The following ECHDC1 variants were observed in gnomAD, a reference collection of about 807,000 sequenced individuals.
The protein encoded by ECHDC1 is ethylmalonyl-CoA decarboxylase 1, also known as ethylmalonyl-CoA decarboxylase.
Under a neutral mutation model 29.7 loss-of-function variants are expected in ECHDC1, and 29 were observed. The observed-to-expected ratio is 0.98, with a 90% confidence interval of 0.73 to 1.33. ECHDC1 has a LOEUF of 1.33. ECHDC1 is among the 40% of genes most tolerant of loss of function. The pLI is 0.00. For missense variants in ECHDC1, 328 were observed against 350.0 expected (o/e 0.94, Z 0.50); for synonymous variants, 126 against 123.1 (o/e 1.02, Z -0.15).
intron 1 of ECHDC1, among the ~76,000 whole-genome samples, chr6:127,338,279 G>A (rs1387554669): frequency 2.6e-5 from 4 of 152,116 alleles, no homozygotes; most frequent in Admixed American, 1.3e-4. Flanking sequence ...AAAGTTTTCA[G>A]TTTTGTCAGA....
intron 3 of ECHDC1, 141 bp from the exon 4 acceptor site, chr6:127,316,643 T>G (rs1284267828): frequency 1.5e-6 from 1 of 663,510 alleles, no homozygotes. Context: ...AACTCTTTGA[T>G]GTTGTCTGAA....
At chr6:127,342,289 C>G in intron 1 of ECHDC1, 1 of 1,478,882 alleles carries the variant, frequency 6.8e-7, no homozygotes, top group Non-Finnish European at 9.1e-7. Flanking sequence ...TAAGACTAAA[C>G]AGGGGCTTAA....
intron 5 of ECHDC1, among the ~76,000 whole-genome samples, chr6:127,301,127 T>G (rs1344638991): frequency 6.6e-6 from 1 of 152,200 alleles, no homozygotes; most frequent in African/African-American, 2.4e-5. Flanking sequence ...TTTAAAAATG[T>G]TTTTTAAAAG....
intron 3 of ECHDC1, among the ~76,000 whole-genome samples, chr6:127,316,833 GA>G (rs935580873): frequency 1.3e-5 from 2 of 152,090 alleles, no homozygotes; most frequent in African/African-American, 2.4e-5. Flanking sequence ...TTATCCTTAA[GA>G]TGATAAACAT....
At position 127,323,037 on chromosome 6, in the gene ECHDC1, C is replaced by T. The variant is rs1428653176; in HGVS notation, c.363+3965G>A. ...AAGTGGAAAATTCCACACCTGATCT[C>T]ATGTACACAAACTTTGTTTTGCGTA... On this transcript the variant is annotated intron_variant, in intron 3 of 5. Coordinates refer to ENST00000454859, the MANE Select transcript of ECHDC1 (RefSeq NM_001002030.2). Among the ~76,000 whole-genome samples, 6 of 152,190 alleles carry T rather than the reference C, an allele frequency of 3.9e-5. No homozygotes were observed. The East Asian group carries it at 1.2e-3, about 29-fold the overall frequency.
At chr6:127,343,201 G>C (rs1368503299) in intron 1 of ECHDC1, 135 bp downstream of exon 1, 1 of 152,180 alleles carries the variant, frequency 6.6e-6, no homozygotes, top group Non-Finnish European at 1.5e-5. Context: ...GACAAGCCGC[G>C]GAGCCGGGGA....
At chr6:127,327,636 A>T (rs1411707170) in intron 2 of ECHDC1, among the ~76,000 whole-genome samples, 3 of 152,180 alleles carry the variant, frequency 2.0e-5, no homozygotes, top group Non-Finnish European at 4.4e-5. Context: ...CAGAATTAGT[A>T]TAATAGGATG....
intron 5 of ECHDC1, among the ~76,000 whole-genome samples, chr6:127,299,758 C>A (rs1200759697): frequency 6.6e-6 from 1 of 152,148 alleles, no homozygotes; most frequent in Non-Finnish European, 1.5e-5. Flanking sequence ...TAGGCCTTCA[C>A]ATTCACTTGC....
At chr6:127,337,100 T>G (rs1360140931) in intron 1 of ECHDC1, among the ~76,000 whole-genome samples, 1 of 152,186 alleles carries the variant, frequency 6.6e-6, no homozygotes, top group Non-Finnish European at 1.5e-5. Flanking sequence ...TACTTTTCAA[T>G]CTGACTCTGG....
intron 2 of ECHDC1, among the ~76,000 whole-genome samples, chr6:127,328,301 T>C (rs990357677): frequency 2.0e-5 from 3 of 152,216 alleles, no homozygotes; most frequent in Admixed American, 2.0e-4. Context: ...AAAAAATTCC[T>C]ATCACCTAGT....
At chr6:127,327,282 T>A in intron 2 of ECHDC1, 138 bp from the exon 3 acceptor site, 2 of 953,672 alleles carry the variant, frequency 2.1e-6, no homozygotes, top group Non-Finnish European at 3.0e-6. Flanking sequence ...ATCAAATGCC[T>A]ACTGCACTGG....
In ECHDC1 at chr6:127,288,769, AT is replaced by A. The variant is rs1779837112; in HGVS notation, c.*1099del. On this transcript the variant is annotated 3_prime_UTR_variant, in exon 6 of 6. Transcript: ENST00000454859. ...GTTTTTACATCTATGGCCAAATAGTATTGGGTTGACACAGTAATCTAGAGTT... is the reference window on the plus strand; with the variant it reads ...GTTTTTACATCTATGGCCAAATAGTATGGGTTGACACAGTAATCTAGAGTT... The A allele has an allele frequency of 6.6e-6, 1 of 152,226 alleles. No individual in the cohort carries two copies. The highest frequency in any genetic ancestry group is 1.5e-5 in the Non-Finnish European group (1 of 67,984). 9.4% of individuals were successfully genotyped at this position (152,226 alleles called of 1,614,324 possible).
intron 1 of ECHDC1, among the ~76,000 whole-genome samples, chr6:127,335,440 G>A (rs1015842791): frequency 3.3e-4 from 50 of 151,950 alleles, no homozygotes; most frequent in African/African-American, 1.0e-3. Flanking sequence ...AAAAAGTAGC[G>A]GGGTGCTTGT....
chr6:127,304,139 C>T (rs866691801), intron 5 of ECHDC1, among the ~76,000 whole-genome samples: 4 of 152,154 alleles, frequency 2.6e-5, no homozygotes, highest in East Asian at 1.9e-4. Context: ...GTCCTAGTGG[C>T]GGTGGCCATA....
At position 127,333,919 on chromosome 6, in the gene ECHDC1, TATA is replaced by T. The variant is rs1405592656; in HGVS notation, c.-2-2892_-2-2890del. 2.0e-5 allele frequency among the ~76,000 whole-genome samples: 3 copies of T among 152,208 alleles called. No homozygotes were observed. In the South Asian group the frequency reaches 6.2e-4, roughly 31 times the overall value. On this transcript the variant is annotated intron_variant, in intron 1 of 5. Coordinates refer to ENST00000454859, the MANE Select transcript of ECHDC1 (RefSeq NM_001002030.2). ...TTACTGTGGTTTCATTTTGTGTTTC[TATA>T]ATGTCTAACGAAGATAAACCCCATT...
rs1471355168 is a variant in ECHDC1 at position 127,289,671 on chromosome 6, G to T, written c.*198C>A. Reference sequence around the variant, plus strand: ...GTGTATATTTTAGCTAAATGTTCCAGATTACGCAGTAAATACCCAAGTGAG... The same window carrying T: ...GTGTATATTTTAGCTAAATGTTCCATATTACGCAGTAAATACCCAAGTGAG... On this transcript the variant is annotated 3_prime_UTR_variant, in exon 6 of 6. Coordinates refer to ENST00000454859, the MANE Select transcript of ECHDC1 (RefSeq NM_001002030.2). The T allele has an allele frequency of 1.9e-6, 1 of 539,920 alleles. No individual in the cohort carries two copies. The highest frequency in any genetic ancestry group is 3.1e-6 in the Non-Finnish European group (1 of 320,508). The allele number at this position is 539,920 out of a possible 1,614,324, so 33.4% of individuals were successfully genotyped here. A position where few individuals can be genotyped will look rare whatever the true frequency, so the allele number is the denominator to read the frequency against.
At chr6:127,341,267 A>T (rs1416272649) in intron 1 of ECHDC1, among the ~76,000 whole-genome samples, 16 of 152,216 alleles carry the variant, frequency 1.1e-4, no homozygotes, top group Non-Finnish European at 2.4e-4. Context: ...CAAGTTTAGA[A>T]ATCCAATTCT....
At chr6:127,328,116 T>C (rs560266482) in intron 2 of ECHDC1, among the ~76,000 whole-genome samples, 1 of 152,364 alleles carries the variant, frequency 6.6e-6, no homozygotes, top group East Asian at 1.9e-4. Context: ...TTATTTTCTT[T>C]GCCATTTTCT....
chr6:127,325,013 G>A (rs969323852), intron 3 of ECHDC1, among the ~76,000 whole-genome samples: 6 of 152,062 alleles, frequency 3.9e-5, no homozygotes, highest in South Asian at 2.1e-4. Flanking sequence ...AGTGGAGTAC[G>A]GAAAGTAAAT....
Sources: allele counts gnomAD v4.1 joint callset (sites outside exome capture counted in the v4.1 genomes callset), GRCh38; gene constraint gnomAD v4.1.1; transcripts MANE v1.5; gene names NCBI Gene and HGNC (gene_info 2026-07-23, HGNC 2026-07-21).